The following PTK2 variants were observed in gnomAD, a reference collection of about 807,000 sequenced individuals.
The protein encoded by PTK2 is protein tyrosine kinase 2, also known as focal adhesion kinase 1.
Under a neutral mutation model 150.1 loss-of-function variants are expected in PTK2, and 45 were observed. The observed-to-expected ratio is 0.30, with a 90% confidence interval of 0.24 to 0.38. The LOEUF (loss-of-function observed/expected upper bound fraction) is 0.38. Ranked by LOEUF, PTK2 falls within the 10% of genes least tolerant of loss-of-function variation. The probability of loss-of-function intolerance (pLI) is 1.00; values close to 1 mark genes in which losing one functional copy is unlikely to be tolerated. For missense variants in PTK2, 919 were observed against 1,307.3 expected (o/e 0.70, Z 4.58); for synonymous variants, 432 against 449.2 (o/e 0.96, Z 0.48).
chr8:140,691,687 G>C (rs2100023305), intron 26 of PTK2, among the ~76,000 whole-genome samples: 1 of 152,112 alleles, frequency 6.6e-6, no homozygotes, highest in Admixed American at 6.6e-5. Flanking sequence ...ATGCCTCTTT[G>C]GACAAGGCAT....
At chr8:140,832,694 G>A (rs1368770618) in intron 7 of PTK2, among the ~76,000 whole-genome samples, 1 of 152,120 alleles carries the variant, frequency 6.6e-6, no homozygotes, top group Non-Finnish European at 1.5e-5. Flanking sequence ...GGACAAAGAG[G>A]CAACAGGGAT....
chr8:140,823,176 AT>A (rs2100109829), intron 8 of PTK2, among the ~76,000 whole-genome samples: 2 of 152,226 alleles, frequency 1.3e-5, no homozygotes, highest in African/African-American at 4.8e-5. Context: ...ATGACAAAAC[AT>A]TTCTATTAAC....
At chr8:140,678,412 TC>T (rs1425051976) in intron 27 of PTK2, among the ~76,000 whole-genome samples, 3 of 152,028 alleles carry the variant, frequency 2.0e-5, no homozygotes, top group Non-Finnish European at 4.4e-5. Flanking sequence ...TGTGGCATGA[TC>T]TTTGTTCACT....
chr8:140,713,396 G>A (rs1242771240), intron 23 of PTK2, among the ~76,000 whole-genome samples: 6 of 152,226 alleles, frequency 3.9e-5, no homozygotes, highest in African/African-American at 1.4e-4. Flanking sequence ...GGGTAGCTGG[G>A]ACTACAAGTG....
At chr8:140,732,043 C>T (rs187437511) in intron 22 of PTK2, among the ~76,000 whole-genome samples, 1 of 152,220 alleles carries the variant, frequency 6.6e-6, no homozygotes, top group East Asian at 1.9e-4. Flanking sequence ...ATTTGGGAAA[C>T]ATTTTTAACT....
intron 25 of PTK2, among the ~76,000 whole-genome samples, chr8:140,701,273 A>T (rs189409634): frequency 1.3e-5 from 2 of 152,350 alleles, no homozygotes; most frequent in East Asian, 3.9e-4. Context: ...AAATAACACA[A>T]GATATGTGCA....
chr8:140,772,271 A>T (rs2100075929), intron 14 of PTK2, among the ~76,000 whole-genome samples: 1 of 152,182 alleles, frequency 6.6e-6, no homozygotes, highest in African/African-American at 2.4e-5. Flanking sequence ...CTACAAAAAA[A>T]TTCAAAAATT....
chr8:140,890,185 T>C (rs534527804), intron 3 of PTK2: 1 of 197,756 alleles, frequency 5.1e-6, no homozygotes, highest in African/African-American at 2.4e-5. Context: ...CCTTCCAAAT[T>C]ACACTTTCTA....
chr8:140,660,662 G>T (rs1277740166), intron 31 of PTK2: 1 of 454,972 alleles, frequency 2.2e-6, no homozygotes. Context: ...GAAGACAGAG[G>T]TTGTAGTGAG....
intron 1 of PTK2, among the ~76,000 whole-genome samples, chr8:140,963,705 A>T (rs2100184208): frequency 6.6e-6 from 1 of 152,226 alleles, no homozygotes; most frequent in African/African-American, 2.4e-5. Flanking sequence ...CTTTGCTTTG[A>T]AAAGCAATTT....
intron 22 of PTK2, 23 bp downstream of exon 25, chr8:140,735,228 C>T: frequency 6.2e-7 from 1 of 1,607,560 alleles, no homozygotes; most frequent in Non-Finnish European, 8.5e-7. Flanking sequence ...CACCCCCAGG[C>T]CCTCTCTCCC....
At chr8:140,858,930 A>C (rs1021127486) in intron 5 of PTK2, among the ~76,000 whole-genome samples, 4 of 152,352 alleles carry the variant, frequency 2.6e-5, no homozygotes, top group Middle Eastern at 3.4e-3. Flanking sequence ...AATGAGCCAA[A>C]AGAGATAAAT....
intron 1 of PTK2, among the ~76,000 whole-genome samples, chr8:140,952,979 A>C (rs1031675530): frequency 6.6e-6 from 1 of 152,248 alleles, no homozygotes; most frequent in Non-Finnish European, 1.5e-5. Context: ...CCTTACGCAT[A>C]TCTCACAGCA....
rs2152430363 is a variant in PTK2 at position 140,659,723 on chromosome 8, T to C, written c.2947-45A>G. ...TCAGGAGAACTGTTTTCAGTGATTT[T>C]TTTTTTTCTTTTTTAGAGAGATGTT... is the stretch of plus-strand genomic sequence containing the variant. On this transcript the variant is annotated intron_variant, in intron 31 of 31. Transcript: ENST00000522684. The C allele has an allele frequency of 3.9e-6, 6 of 1,544,584 alleles. No individual in the cohort carries two copies. The East Asian group carries it at 1.3e-4, about 35-fold the overall frequency.
chr8:140,743,201 AT>A, intron 20 of PTK2, 28 bp downstream of exon 23: 1 of 1,429,260 alleles, frequency 7.0e-7, no homozygotes, highest in Non-Finnish European at 9.8e-7. Context: ...TTCCAAGCCT[AT>A]TTCTTAGGTA....
chr8:140,786,224 T>C (rs904584975), intron 14 of PTK2, among the ~76,000 whole-genome samples: 3 of 152,288 alleles, frequency 2.0e-5, no homozygotes, highest in African/African-American at 7.2e-5. Context: ...AAACAAGTAA[T>C]TGCAGCTGGC....
intron 10 of PTK2, among the ~76,000 whole-genome samples, chr8:140,817,203 A>G: frequency 6.6e-6 from 1 of 152,132 alleles, no homozygotes; most frequent in Non-Finnish European, 1.5e-5. Context: ...GAATATGAGG[A>G]AAAACACAGA....
In PTK2 at chr8:140,668,366, T is replaced by C. The variant is rs2093594438; in HGVS notation, c.2768A>G (p.Lys923Arg). The C allele has an allele frequency of 2.5e-6, 4 of 1,613,998 alleles. No homozygotes were observed. In the East Asian group the frequency reaches 8.9e-5, roughly 36 times the overall value. The change falls in exon 30 of 32, where the codon AAG becomes AGG. Residue 923 changes from lysine to arginine, a missense_variant. This residue lies in a region of PTK2 where 106 missense variants were observed against 161.8 expected (regional missense o/e 0.66). Transcript: ENST00000522684. ...CAGGCCCGTCACATTCTCGTACACCTTATCATTCGACCGGTCCAGGTTGGC... is the reference window on the plus strand; with the variant it reads ...CAGGCCCGTCACATTCTCGTACACCCTATCATTCGACCGGTCCAGGTTGGC...
At chr8:140,667,274 G>C (rs1027070460) in intron 30 of PTK2, among the ~76,000 whole-genome samples, 1 of 152,034 alleles carries the variant, frequency 6.6e-6, no homozygotes, top group Admixed American at 6.5e-5. Flanking sequence ...TATGTTACGT[G>C]TATTTTACTA....
Sources: allele counts gnomAD v4.1 joint callset (sites outside exome capture counted in the v4.1 genomes callset), GRCh38; gene constraint gnomAD v4.1.1; regional missense constraint gnomAD v4.1.1; transcripts MANE v1.5; gene names NCBI Gene and HGNC (gene_info 2026-07-23, HGNC 2026-07-21).